CSMD3: variants seen among roughly 807,000 people sequenced by gnomAD.
CSMD3 encodes CUB and Sushi multiple domains 3, also known as CUB and sushi domain-containing protein 3.
Under a neutral mutation model 435.2 loss-of-function variants are expected in CSMD3, and 177 were observed. The ratio of observed to expected loss-of-function variants is 0.41; its 90% CI spans 0.36 to 0.46. CSMD3 has a LOEUF of 0.46. Among genes scored for constraint, CSMD3 ranks in the 20% least tolerant of loss-of-function variants. The probability of loss-of-function intolerance (pLI) is 0.34; values close to 1 mark genes in which losing one functional copy is unlikely to be tolerated. For synonymous variants in CSMD3, 1,656 were observed against 1,520.5 expected, an observed-to-expected ratio of 1.09 and a Z score of -2.07; for missense variants, 4,265 against 4,504.6, an observed-to-expected ratio of 0.95 and a Z score of 1.52.
rs568204179 is a variant in CSMD3, at chr8:112,528,368, TACCAGGATTTAAACACAGTAA to T, written c.4565-11164_4565-11144del. ...CTCTTAGGTCTAAAGTCCCAACATATACCAGGATTTAAACACAGTAAACCAGGATTCAAACACAGTAAATTC... is the reference window on the plus strand; with the variant it reads ...CTCTTAGGTCTAAAGTCCCAACATATACCAGGATTCAAACACAGTAAATTC... On this transcript the variant is annotated intron_variant, in intron 27 of 70. Transcript: ENST00000297405. 5.5e-3 allele frequency among the ~76,000 whole-genome samples: 839 copies of T among 152,026 alleles called. 3 individuals are homozygous for T. Among genetic ancestry groups the T allele is most frequent in the Admixed American group, 8.9e-3 (136 of 15,266 alleles).
intron 24 of CSMD3, among the ~76,000 whole-genome samples, chr8:112,572,895 A>G (rs1187142539): frequency 1.6e-5 from 2 of 125,836 alleles, no homozygotes; most frequent in African/African-American, 3.0e-5. Flanking sequence ...CATCCATTTA[A>G]TTCATATAAC....
At chr8:112,378,237 A>G (rs1829135478) in intron 38 of CSMD3, among the ~76,000 whole-genome samples, 4 of 152,146 alleles carry the variant, frequency 2.6e-5, no homozygotes, top group Admixed American at 2.6e-4. Flanking sequence ...AAGGTATTAT[A>G]AACAATAGTA....
At chr8:112,245,574 G>A (rs971701336) in intron 64 of CSMD3, among the ~76,000 whole-genome samples, 2 of 152,044 alleles carry the variant, frequency 1.3e-5, no homozygotes, top group Non-Finnish European at 2.9e-5. Flanking sequence ...GTTTCACTCC[G>A]CTGCCCAGGC....
chr8:112,741,635 C>T (rs1401906528), intron 13 of CSMD3, among the ~76,000 whole-genome samples: 2 of 151,758 alleles, frequency 1.3e-5, no homozygotes, highest in East Asian at 1.9e-4. Context: ...AACATTCAGA[C>T]CTTAGCATGC....
intron 24 of CSMD3, among the ~76,000 whole-genome samples, chr8:112,568,490 G>A (rs1829244237): frequency 6.6e-6 from 1 of 151,360 alleles, no homozygotes; most frequent in Non-Finnish European, 1.5e-5. Flanking sequence ...AGCTACTTAA[G>A]AGGCTGAGGC....
chr8:113,226,779 T>G (rs973028805), intron 3 of CSMD3, among the ~76,000 whole-genome samples: 1 of 151,592 alleles, frequency 6.6e-6, no homozygotes, highest in African/African-American at 2.4e-5. Context: ...TTGAAGCTGT[T>G]GCGGAAGTAA....
chr8:112,931,659 CA>C (rs1364014495), intron 9 of CSMD3, among the ~76,000 whole-genome samples: 1 of 152,012 alleles, frequency 6.6e-6, no homozygotes, highest in East Asian at 1.9e-4. Context: ...AGTAAAAAGA[CA>C]ACCTGTTGAA....
intron 10 of CSMD3, among the ~76,000 whole-genome samples, chr8:112,906,648 T>C (rs767065618): frequency 6.6e-6 from 1 of 151,488 alleles, no homozygotes; most frequent in Non-Finnish European, 1.5e-5. Context: ...ATCTTCCTTT[T>C]CTCATAAATC....
intron 3 of CSMD3, among the ~76,000 whole-genome samples, chr8:113,267,089 G>C (rs1466911715): frequency 6.6e-6 from 1 of 151,480 alleles, no homozygotes; most frequent in Admixed American, 6.6e-5. Flanking sequence ...TTGTTAAAAA[G>C]GCAAATAGTA....
chr8:112,541,005 C>T lies in CSMD3; in HGVS notation c.4564+9666G>A, dbSNP rs148941332. Among the ~76,000 whole-genome samples the T allele has an allele frequency of 8.3e-3, 1,256 of 151,914 alleles. 19 individuals carry two copies. The highest frequency in any genetic ancestry group is 0.029 in the African/African-American group (1,195 of 41,474). ...TTATTTGATAATTACATATTGTATG[C>T]GTGTATCAAAATATCCCTTGTACTC... is the stretch of plus-strand genomic sequence containing the variant. On this transcript the variant is annotated intron_variant, in intron 27 of 70. Transcript: ENST00000297405.
At chr8:113,327,807 C>T (rs1450019567) in intron 1 of CSMD3, among the ~76,000 whole-genome samples, 1 of 151,748 alleles carries the variant, frequency 6.6e-6, no homozygotes, top group Admixed American at 6.6e-5. Context: ...TTTAACATTG[C>T]AACTGCCTGA....
intron 10 of CSMD3, among the ~76,000 whole-genome samples, chr8:112,917,991 C>A (rs561587022): frequency 6.6e-6 from 1 of 151,912 alleles, no homozygotes; most frequent in Non-Finnish European, 1.5e-5. Flanking sequence ...TCCAACTCAA[C>A]GGCCATTTCC....
chr8:112,914,969 A>G (rs73346055), intron 10 of CSMD3, among the ~76,000 whole-genome samples: 6,612 of 151,998 alleles, frequency 0.044, 492 homozygotes, highest in African/African-American at 0.15. Context: ...ATTAGTGGAA[A>G]GGCTATTAAG....
chr8:112,805,499 T>C (rs1457955480), intron 12 of CSMD3, among the ~76,000 whole-genome samples: 1 of 152,178 alleles, frequency 6.6e-6, no homozygotes, highest in Non-Finnish European at 1.5e-5. Context: ...GTGGTAATTT[T>C]ATAAAGACAC....
intron 4 of CSMD3, among the ~76,000 whole-genome samples, chr8:113,142,477 C>T (rs983893379): frequency 1.5e-4 from 23 of 150,960 alleles, no homozygotes; most frequent in African/African-American, 5.6e-4. Context: ...ACAAATATGC[C>T]AAGTGATTTT....
At chr8:113,087,741 A>G (rs948933294) in intron 5 of CSMD3, among the ~76,000 whole-genome samples, 1 of 152,174 alleles carries the variant, frequency 6.6e-6, no homozygotes, top group African/African-American at 2.4e-5. Context: ...TTTAGACCTA[A>G]AACCATAAAA....
At chr8:112,752,695 A>G (rs1186451719) in intron 13 of CSMD3, among the ~76,000 whole-genome samples, 1 of 152,228 alleles carries the variant, frequency 6.6e-6, no homozygotes, top group Non-Finnish European at 1.5e-5. Flanking sequence ...CAAGAAAAAG[A>G]AAGACAATAT....
intron 7 of CSMD3, among the ~76,000 whole-genome samples, chr8:112,957,110 A>C (rs72682177): frequency 0.022 from 3,403 of 152,236 alleles, 60 homozygotes; most frequent in South Asian, 0.031. Flanking sequence ...ATTAATTACA[A>C]GACTATTCTA....
intron 36 of CSMD3, among the ~76,000 whole-genome samples, chr8:112,390,003 A>G (rs978939634): frequency 6.6e-6 from 1 of 152,162 alleles, no homozygotes; most frequent in African/African-American, 2.4e-5. Context: ...GGCTTAGTTC[A>G]ATTAAGTGAG....
Sources: allele counts gnomAD v4.1 joint callset (sites outside exome capture counted in the v4.1 genomes callset), GRCh38; gene constraint gnomAD v4.1.1; transcripts MANE v1.5; gene names NCBI Gene and HGNC (gene_info 2026-07-23, HGNC 2026-07-21).